EHBP1: variants seen among roughly 807,000 people sequenced by gnomAD.
The protein encoded by EHBP1 is EH domain binding protein 1.
EHBP1 carries 55 observed loss-of-function variants against 144.0 expected under a neutral mutation model. That is an observed-to-expected ratio of 0.38 (90% CI 0.31 to 0.48). The LOEUF (loss-of-function observed/expected upper bound fraction) is 0.48. Among genes scored for constraint, EHBP1 ranks in the 20% least tolerant of loss-of-function variants. The probability of loss-of-function intolerance (pLI) is 0.98; values close to 1 mark genes in which losing one functional copy is unlikely to be tolerated. For synonymous variants in EHBP1, 469 were observed against 472.7 expected, an observed-to-expected ratio of 0.99 and a Z score of 0.10; for missense variants, 1,200 against 1,364.2, an observed-to-expected ratio of 0.88 and a Z score of 1.90.
At position 63,045,119 on chromosome 2, in the gene EHBP1, C is replaced by T. The variant is rs1470952220; in HGVS notation, c.3331C>T (p.Leu1111=). Residue 1111 remains leucine (L), a synonymous_variant, in exon 22 of 23, where the codon CTG becomes TTG. Transcript: ENST00000431489. The surrounding 1 kb of genome is among the most constrained non-coding windows in gnomAD (Gnocchi z 5.7). ...ACGCGAACAGCTTCTGCTAGATGAG[C>T]TGGTGGCCCTGGTGAACAAGCGCGA... The part of the protein sequence containing the change: ...KRREQLLLDE[L]VALVNKRDAL... 8 of 1,595,206 alleles carry T rather than the reference C, an allele frequency of 5.0e-6. No individual in the cohort carries two copies. Among genetic ancestry groups the T allele is most frequent in the Non-Finnish European group, 6.0e-6 (7 of 1,170,526 alleles).
intron 13 of EHBP1, among the ~76,000 whole-genome samples, chr2:62,955,066 C>G (rs2057613378): frequency 6.6e-6 from 1 of 151,780 alleles, no homozygotes; most frequent in Non-Finnish European, 1.5e-5. Flanking sequence ...TATAAACATT[C>G]TCAAGGATTT....
At chr2:62,797,838 G>A (rs958196546) in intron 5 of EHBP1, among the ~76,000 whole-genome samples, 1 of 152,180 alleles carries the variant, frequency 6.6e-6, no homozygotes, top group African/African-American at 2.4e-5. Context: ...TTCTTCATCT[G>A]TAAACAGGGG....
At chr2:62,799,975 A>T (rs1279586939) in intron 5 of EHBP1, among the ~76,000 whole-genome samples, 2 of 152,194 alleles carry the variant, frequency 1.3e-5, no homozygotes, top group African/African-American at 4.8e-5. Context: ...ACCACATTAA[A>T]AGTACTCGTG....
intron 13 of EHBP1, among the ~76,000 whole-genome samples, chr2:62,951,255 G>C (rs565032122): frequency 4.5e-4 from 68 of 152,274 alleles, no homozygotes; most frequent in African/African-American, 1.6e-3. Flanking sequence ...GGATGACAGA[G>C]AGTGTAAGAT....
intron 10 of EHBP1, among the ~76,000 whole-genome samples, chr2:62,904,358 G>T (rs560167155): frequency 1.3e-5 from 2 of 152,190 alleles, no homozygotes; most frequent in East Asian, 3.9e-4. Context: ...TTCCTTTATG[G>T]CTGCACCTGT....
intron 10 of EHBP1, 122 bp downstream of exon 10, chr2:62,874,654 A>G (rs1242032197): frequency 2.4e-6 from 2 of 829,338 alleles, no homozygotes; most frequent in Non-Finnish European, 3.7e-6. Flanking sequence ...AATATCCAAG[A>G]CAATCTATTG....
chr2:63,018,268 T>A (rs903940048), intron 19 of EHBP1, among the ~76,000 whole-genome samples: 3 of 152,242 alleles, frequency 2.0e-5, no homozygotes, highest in Admixed American at 6.5e-5. Context: ...TTAATTCTTG[T>A]CTTTCTATAG....
intron 14 of EHBP1, 72 bp downstream of exon 14, chr2:62,955,732 T>C: frequency 1.6e-5 from 24 of 1,506,964 alleles, no homozygotes; most frequent in Non-Finnish European, 2.1e-5. Flanking sequence ...GTAATTTGCT[T>C]GTATTTCTGC....
At chr2:63,035,211 G>C (rs1170192641) in intron 19 of EHBP1, among the ~76,000 whole-genome samples, 1 of 151,970 alleles carries the variant, frequency 6.6e-6, no homozygotes. Context: ...TTTAGTATGA[G>C]GTTACGTATA....
At chr2:62,917,131 C>A (rs1190174182) in intron 10 of EHBP1, among the ~76,000 whole-genome samples, 1 of 152,060 alleles carries the variant, frequency 6.6e-6, no homozygotes, top group Non-Finnish European at 1.5e-5. Flanking sequence ...TGCTGTTAGG[C>A]TACAAACTTT....
chr2:62,729,496 T>TATATAATAC (rs2037243404), intron 2 of EHBP1, among the ~76,000 whole-genome samples: 3 of 56,312 alleles, frequency 5.3e-5, no homozygotes, highest in African/African-American at 2.3e-4. Context: ...AATATATAAA[T>TATATAATAC]ATATAATAAA....
chr2:62,777,500 G>A (rs988623602), intron 5 of EHBP1, among the ~76,000 whole-genome samples: 4 of 151,316 alleles, frequency 2.6e-5, no homozygotes, highest in Non-Finnish European at 5.9e-5. Flanking sequence ...TGAGATTCAT[G>A]GTTTTTTCTC....
chr2:62,947,843 C>G (rs1384142506), intron 12 of EHBP1, among the ~76,000 whole-genome samples: 4 of 152,088 alleles, frequency 2.6e-5, no homozygotes, highest in Non-Finnish European at 5.9e-5. Context: ...ATCAGGTAAT[C>G]TAGTAGTTCT....
chr2:62,705,323 C>T (rs1030249822), upstream of EHBP1, among the ~76,000 whole-genome samples: 2 of 152,080 alleles, frequency 1.3e-5, no homozygotes, highest in African/African-American at 4.8e-5. Flanking sequence ...CTGCAATCAC[C>T]CTTAGGGGCC....
At chr2:62,837,632 A>G (rs1449353667) in intron 7 of EHBP1, among the ~76,000 whole-genome samples, 1 of 147,644 alleles carries the variant, frequency 6.8e-6, no homozygotes, top group African/African-American at 2.5e-5. Context: ...TCAAAATAAA[A>G]GGATGGAGGA....
At chr2:62,817,410 C>G (rs1002831221) in intron 5 of EHBP1, among the ~76,000 whole-genome samples, 1 of 152,048 alleles carries the variant, frequency 6.6e-6, no homozygotes, top group Non-Finnish European at 1.5e-5. Context: ...AAGGGAGATG[C>G]ATACCTGGTG....
intron 5 of EHBP1, among the ~76,000 whole-genome samples, chr2:62,807,154 CTG>C (rs1281195171): frequency 6.6e-6 from 1 of 152,226 alleles, no homozygotes; most frequent in Admixed American, 6.5e-5. Flanking sequence ...CAGTTCAAAT[CTG>C]TGTTATTCAC....
intron 10 of EHBP1, among the ~76,000 whole-genome samples, chr2:62,881,975 G>A (rs1369438673): frequency 2.0e-5 from 3 of 152,160 alleles, no homozygotes; most frequent in Non-Finnish European, 4.4e-5. Flanking sequence ...GTAGAGAAAG[G>A]ATTGGAACCT....
intron 10 of EHBP1, among the ~76,000 whole-genome samples, chr2:62,876,459 T>A (rs1297214070): frequency 6.6e-6 from 1 of 152,188 alleles, no homozygotes; most frequent in Admixed American, 6.5e-5. Flanking sequence ...CAGACCTGCC[T>A]TACAGGAGGT....
Sources: allele counts gnomAD v4.1 joint callset (sites outside exome capture counted in the v4.1 genomes callset), GRCh38; gene constraint gnomAD v4.1.1; non-coding constraint Gnocchi (gnomAD v3.1); transcripts MANE v1.5; gene names NCBI Gene and HGNC (gene_info 2026-07-23, HGNC 2026-07-21).